The following NOL4L variants were observed in gnomAD, a reference collection of about 807,000 sequenced individuals.
NOL4L encodes nucleolar protein 4-like.
A neutral mutation model predicts 64.5 loss-of-function variants in NOL4L; 7 were observed. That is an observed-to-expected ratio of 0.11 (90% CI 0.06 to 0.20). NOL4L has a LOEUF of 0.20. NOL4L is among the 10% of genes least tolerant of loss of function. The pLI, the probability that NOL4L is intolerant of heterozygous loss-of-function variation, is 1.00. For missense variants in NOL4L, 680 were observed against 967.1 expected, an observed-to-expected ratio of 0.70 and a Z score of 3.94; for synonymous variants, 413 against 401.0, an observed-to-expected ratio of 1.03 and a Z score of -0.36.
intron 1 of NOL4L, among the ~76,000 whole-genome samples, chr20:32,580,664 C>CCACGGAGAAGCTACAGCAGTG (rs1980408905): frequency 6.6e-6 from 1 of 152,142 alleles, no homozygotes; most frequent in Admixed American, 6.5e-5. Flanking sequence ...TGTGGCAGGT[C>CCACGGAGAAGCTACAGCAGTG]CACGGAGAAG....
At chr20:32,488,306 C>A (rs293543) in intron 4 of NOL4L, among the ~76,000 whole-genome samples, 70,069 of 151,994 alleles carry the variant, frequency 0.46, 17,686 homozygotes, top group East Asian at 0.99. Context: ...CCCTCACCGC[C>A]CAGTTTCATA....
Position 32,447,128 on chromosome 20 carries a change from C to T in NOL4L, c.*468G>A, listed in dbSNP as rs1349999145. ...GATCAGACAGACACAGACTAGCAAT[C>T]TGTACAAACACAAAAGAATCCATTT... is the stretch of plus-strand genomic sequence containing the variant. On this transcript the variant is annotated 3_prime_UTR_variant, in exon 11 of 11. Transcript: ENST00000621426. 4 of 420,788 alleles carry T rather than the reference C, an allele frequency of 9.5e-6. No homozygotes were observed. In the East Asian group the frequency reaches 2.8e-4, roughly 30 times the overall value. 26.1% of individuals were successfully genotyped at this position (420,788 alleles called of 1,614,324 possible). A position where few individuals can be genotyped will look rare whatever the true frequency, so the allele number is the denominator to read the frequency against.
chr20:32,455,651 A>G (rs1274857020), intron 6 of NOL4L, among the ~76,000 whole-genome samples: 1 of 152,210 alleles, frequency 6.6e-6, no homozygotes, highest in Non-Finnish European at 1.5e-5. Context: ...ACCGTCCATC[A>G]GCCTAGTCAA....
At chr20:32,489,710 C>T (rs1568650647) in intron 4 of NOL4L, among the ~76,000 whole-genome samples, 2 of 151,754 alleles carry the variant, frequency 1.3e-5, no homozygotes, top group Admixed American at 6.6e-5. Flanking sequence ...TTTGGGAGGC[C>T]GAGGCAGGAG....
At chr20:32,569,985 A>G (rs1979661285) in intron 1 of NOL4L, among the ~76,000 whole-genome samples, 1 of 152,176 alleles carries the variant, frequency 6.6e-6, no homozygotes, top group Non-Finnish European at 1.5e-5. Flanking sequence ...TAAAATAATT[A>G]CAACTGCTGT....
At chr20:32,528,386 C>T (rs2018217211) in intron 1 of NOL4L, among the ~76,000 whole-genome samples, 2 of 152,246 alleles carry the variant, frequency 1.3e-5, no homozygotes, top group African/African-American at 4.8e-5. Context: ...CTCCTGCCTC[C>T]GCCCTGGCCT....
chr20:32,542,422 C>A (rs1012317629), intron 1 of NOL4L, among the ~76,000 whole-genome samples: 1 of 152,162 alleles, frequency 6.6e-6, no homozygotes, highest in African/African-American at 2.4e-5. Flanking sequence ...GGCAGGATCA[C>A]GGCTCACTGC....
Position 32,452,271 on chromosome 20 carries a change from G to A in NOL4L, c.1787C>T (p.Pro596Leu). ...GTTTCCTGTTTGGAGGGAGGCAGGG[G>A]GCTGCAGGTTGCTGCTCAAGGCCCC... is the stretch of plus-strand genomic sequence containing the variant. ...GYGALSSNLQ[P>L]PASLQTGNHS... The change falls in exon 10 of 11, where the codon CCC (proline) becomes CTC (leucine). Residue 596 changes from proline to leucine, a missense_variant. Coordinates refer to ENST00000621426, the MANE Select transcript of NOL4L (RefSeq NM_001256798.2). The A allele has an allele frequency of 1.3e-6, 2 of 1,589,856 alleles. 1 individual carries two copies. Among genetic ancestry groups the A allele is most frequent in the South Asian group, 2.3e-5 (2 of 87,390 alleles).
At chr20:32,502,756 C>A (rs1010836562) in intron 4 of NOL4L, among the ~76,000 whole-genome samples, 2 of 151,502 alleles carry the variant, frequency 1.3e-5, no homozygotes, top group Non-Finnish European at 3.0e-5. Context: ...ACTAAAAATA[C>A]AAAAATTAGC....
chr20:32,573,795 C>G (rs1021079680), intron 1 of NOL4L: 7 of 154,578 alleles, frequency 4.5e-5, no homozygotes, highest in African/African-American at 1.4e-4. Flanking sequence ...CTGCTCCTGT[C>G]TCAACCTCAA....
chr20:32,466,405 C>T (rs533669290), intron 5 of NOL4L, among the ~76,000 whole-genome samples: 15 of 152,184 alleles, frequency 9.9e-5, no homozygotes, highest in African/African-American at 3.1e-4. Context: ...TGTCTCCCAG[C>T]GTCTCTCACC....
intron 2 of NOL4L, among the ~76,000 whole-genome samples, chr20:32,527,389 GATT>G (rs1351415455): frequency 6.6e-6 from 1 of 152,116 alleles, no homozygotes; most frequent in Non-Finnish European, 1.5e-5. Flanking sequence ...TTGCTCCTCT[GATT>G]ATTATCTGTC....
intron 1 of NOL4L, among the ~76,000 whole-genome samples, chr20:32,583,155 A>T (rs1370418434): frequency 1.3e-5 from 2 of 150,988 alleles, no homozygotes; most frequent in Non-Finnish European, 3.0e-5. Flanking sequence ...CAGCGCGGTT[A>T]TCAGCGCTCC....
chr20:32,465,739 C>T (rs112778515), intron 5 of NOL4L, among the ~76,000 whole-genome samples: 214 of 152,372 alleles, frequency 1.4e-3, no homozygotes, highest in African/African-American at 5.0e-3. Context: ...AGTCTGGGTT[C>T]GGTGCATTGC....
At chr20:32,571,811 C>T (rs1045940326) in intron 1 of NOL4L, among the ~76,000 whole-genome samples, 2 of 152,346 alleles carry the variant, frequency 1.3e-5, no homozygotes, top group South Asian at 4.1e-4. Flanking sequence ...TAGGCCCCAC[C>T]CGCTGAGGGC....
At chr20:32,563,628 G>A (rs576335818) in intron 1 of NOL4L, among the ~76,000 whole-genome samples, 10 of 152,172 alleles carry the variant, frequency 6.6e-5, no homozygotes, top group Non-Finnish European at 1.3e-4. Flanking sequence ...TGGTGACAAC[G>A]GCAGTAATCC....
chr20:32,491,436 C>G (rs1301013572), intron 4 of NOL4L, among the ~76,000 whole-genome samples: 1 of 152,242 alleles, frequency 6.6e-6, no homozygotes, highest in African/African-American at 2.4e-5. Flanking sequence ...TGCCGCCCAG[C>G]TGGCTCTGAA....
At chr20:32,538,759 A>T (rs569086250) in intron 1 of NOL4L, among the ~76,000 whole-genome samples, 5 of 152,024 alleles carry the variant, frequency 3.3e-5, no homozygotes, top group Admixed American at 1.3e-4. Flanking sequence ...GGAATGGGGG[A>T]GGCAGCGGCA....
intron 4 of NOL4L, among the ~76,000 whole-genome samples, chr20:32,498,904 TG>T (rs1469776037): frequency 1.3e-5 from 2 of 152,112 alleles, no homozygotes; most frequent in Non-Finnish European, 2.9e-5. Flanking sequence ...GGCAGAGTCT[TG>T]GTCTTGCTCT....
Sources: allele counts gnomAD v4.1 joint callset (sites outside exome capture counted in the v4.1 genomes callset), GRCh38; gene constraint gnomAD v4.1.1; transcripts MANE v1.5; gene names NCBI Gene and HGNC (gene_info 2026-07-23, HGNC 2026-07-21).